The following EPHA4 variants were observed in gnomAD, a reference collection of about 807,000 sequenced individuals.
EPHA4 encodes the protein ephrin type-A receptor 4.
A neutral mutation model predicts 108.3 loss-of-function variants in EPHA4; 19 were observed. That is an observed-to-expected ratio of 0.18 (90% CI 0.12 to 0.26). The LOEUF (loss-of-function observed/expected upper bound fraction) is 0.26, where lower values mean the gene tolerates loss of function less well. Among genes scored for constraint, EPHA4 ranks in the 10% least tolerant of loss-of-function variants. EPHA4 has a pLI of 1.00. For missense variants in EPHA4, 917 were observed against 1,254.0 expected, an observed-to-expected ratio of 0.73 and a Z score of 4.06; for synonymous variants, 449 against 455.5, an observed-to-expected ratio of 0.99 and a Z score of 0.18.
Position 221,494,424 on chromosome 2 carries a change from C to T in EPHA4, c.979+6593G>A, listed in dbSNP as rs538595987. On this transcript the variant is annotated intron_variant, in intron 4 of 17. Coordinates refer to ENST00000281821, the MANE Select transcript of EPHA4 (RefSeq NM_004438.5). ...TTCGAGACCAGCCTGGTCAACATAG[C>T]GAAACCCAGGCTCTACTAAAAATAC... Among the ~76,000 whole-genome samples the T allele has an allele frequency of 1.9e-3, 289 of 152,156 alleles. 1 individual carries two copies. Among genetic ancestry groups the T allele is most frequent in the African/African-American group, 6.5e-3 (270 of 41,526 alleles).
chr2:221,547,429 A>G (rs1319721072), intron 3 of EPHA4, among the ~76,000 whole-genome samples: 1 of 152,196 alleles, frequency 6.6e-6, no homozygotes, highest in Admixed American at 6.5e-5. Flanking sequence ...CTATGCTTGT[A>G]ACTTCCCAAT....
intron 3 of EPHA4, among the ~76,000 whole-genome samples, chr2:221,524,130 A>T (rs1267060919): frequency 6.6e-6 from 1 of 152,224 alleles, no homozygotes; most frequent in Non-Finnish European, 1.5e-5. Flanking sequence ...TGCAAAGTTC[A>T]TGAAGTAGCG....
chr2:221,475,447 T>A (rs1559257151), intron 5 of EPHA4, among the ~76,000 whole-genome samples: 1 of 152,236 alleles, frequency 6.6e-6, no homozygotes, highest in East Asian at 1.9e-4. Flanking sequence ...TACCTAAATG[T>A]TACCCATCAC....
intron 3 of EPHA4, among the ~76,000 whole-genome samples, chr2:221,561,998 G>C (rs189696313): frequency 2.6e-5 from 4 of 152,222 alleles, no homozygotes; most frequent in Admixed American, 2.6e-4. Flanking sequence ...TCATTTCACT[G>C]TTCCTGCTAT....
At chr2:221,496,447 C>T (rs1386135646) in intron 4 of EPHA4, among the ~76,000 whole-genome samples, 2 of 152,046 alleles carry the variant, frequency 1.3e-5, no homozygotes, top group East Asian at 3.9e-4. Context: ...AGGGAGATGT[C>T]GAAAGGAAGA....
upstream of EPHA4, chr2:221,573,283 C>T (rs1216722897): frequency 1.3e-5 from 2 of 152,222 alleles, no homozygotes; most frequent in African/African-American, 2.4e-5. This position sits in a 1 kb window ranked among gnomAD's most constrained non-coding sequence, Gnocchi z 4.5. Flanking sequence ...TCCGCTCCGA[C>T]CTAGCCGGGG....
intron 8 of EPHA4, among the ~76,000 whole-genome samples, chr2:221,450,711 T>C (rs891298436): frequency 1.3e-5 from 2 of 152,110 alleles, no homozygotes; most frequent in Admixed American, 1.3e-4. Context: ...CACTTCTTTT[T>C]CCTTATCCAG....
chr2:221,423,132 T>C (rs1689803357), intron 17 of EPHA4, among the ~76,000 whole-genome samples: 2 of 152,352 alleles, frequency 1.3e-5, no homozygotes. Context: ...CGTACCTTTC[T>C]TCTGTGGAGC....
chr2:221,504,494 T>C (rs1692574030), intron 3 of EPHA4, among the ~76,000 whole-genome samples: 1 of 151,852 alleles, frequency 6.6e-6, no homozygotes, highest in Non-Finnish European at 1.5e-5. Context: ...CGTGACAGTA[T>C]AATGCCCAAT....
At chr2:221,564,744 T>C (rs1694574920) in intron 2 of EPHA4, among the ~76,000 whole-genome samples, 2 of 151,916 alleles carry the variant, frequency 1.3e-5, no homozygotes, top group Admixed American at 1.3e-4. Flanking sequence ...AATTTACTCA[T>C]AAAGGAAAAA....
At chr2:221,430,487 G>A (rs1229897937) in intron 14 of EPHA4, among the ~76,000 whole-genome samples, 1 of 149,126 alleles carries the variant, frequency 6.7e-6, no homozygotes, top group Non-Finnish European at 1.5e-5. Context: ...CCAGTCCCCT[G>A]CCCCGCTCCA....
At chr2:221,522,157 T>C (rs1693183782) in intron 3 of EPHA4, among the ~76,000 whole-genome samples, 1 of 152,230 alleles carries the variant, frequency 6.6e-6, no homozygotes, top group South Asian at 2.1e-4. Context: ...TTGCCAGTTA[T>C]GCCCATACAT....
intron 3 of EPHA4, among the ~76,000 whole-genome samples, chr2:221,522,766 TA>T (rs1559278112): frequency 9.0e-4 from 83 of 91,742 alleles, no homozygotes; most frequent in African/African-American, 2.9e-3. Flanking sequence ...TTATTATTAT[TA>T]TTATTATTTT....
At chr2:221,496,940 G>GTCTGA (rs1330661104) in intron 4 of EPHA4, among the ~76,000 whole-genome samples, 1 of 152,018 alleles carries the variant, frequency 6.6e-6, no homozygotes, top group African/African-American at 2.4e-5. Context: ...CATTGGAGGG[G>GTCTGA]TCTGAACCTT....
Position 221,430,154 on chromosome 2 carries a change from A to G in EPHA4, c.2497-3T>C. 2 of 1,604,168 alleles carry G rather than the reference A, an allele frequency of 1.2e-6. No individual in the cohort carries two copies. Among genetic ancestry groups the G allele is most frequent in the Non-Finnish European group, 8.5e-7 (1 of 1,176,426 alleles). ...CCTTCCTCAATGGCTTTAATCACCT[A>G]TGGAAGACAACAGGATGGTATGTTA... On this transcript the variant is annotated splice_polypyrimidine_tract_variant and splice_region_variant and intron_variant, in intron 14 of 17. Coordinates refer to ENST00000281821, the MANE Select transcript of EPHA4 (RefSeq NM_004438.5).
intron 2 of EPHA4, among the ~76,000 whole-genome samples, chr2:221,564,664 T>C (rs1031975579): frequency 1.3e-5 from 2 of 152,022 alleles, no homozygotes; most frequent in Admixed American, 6.6e-5. Context: ...TCTCGGCAGT[T>C]CCTTGTGGTG....
At chr2:221,543,827 G>T (rs1693906781) in intron 3 of EPHA4, among the ~76,000 whole-genome samples, 1 of 152,200 alleles carries the variant, frequency 6.6e-6, no homozygotes, top group African/African-American at 2.4e-5. Context: ...GGTCACGGGG[G>T]TGGAAGCTTT....
intron 3 of EPHA4, among the ~76,000 whole-genome samples, chr2:221,556,611 T>G (rs1262356683): frequency 6.6e-6 from 1 of 152,012 alleles, no homozygotes; most frequent in African/African-American, 2.4e-5. Context: ...ACTACTTTTT[T>G]TTTTCATATT....
chr2:221,432,718 A>G (rs1690115368), intron 14 of EPHA4, among the ~76,000 whole-genome samples: 1 of 149,760 alleles, frequency 6.7e-6, no homozygotes, highest in African/African-American at 2.5e-5. Flanking sequence ...ATCTTGGCTC[A>G]CTGCAACCTC....
Sources: allele counts gnomAD v4.1 joint callset (sites outside exome capture counted in the v4.1 genomes callset), GRCh38; gene constraint gnomAD v4.1.1; non-coding constraint Gnocchi (gnomAD v3.1); transcripts MANE v1.5; gene names NCBI Gene and HGNC (gene_info 2026-07-23, HGNC 2026-07-21).